Variants in XPR1 observed in about 807,000 individuals in gnomAD.
The protein encoded by XPR1 is solute carrier family 53 member 1.
XPR1 carries 28 observed loss-of-function variants against 87.5 expected under a neutral mutation model. That is an observed-to-expected ratio of 0.32 (90% CI 0.24 to 0.44). The LOEUF is 0.44. Among genes scored for constraint, XPR1 ranks in the 20% least tolerant of loss-of-function variants. The probability of loss-of-function intolerance (pLI) is 1.00; values close to 1 mark genes in which losing one functional copy is unlikely to be tolerated. For missense variants in XPR1, 559 were observed against 862.3 expected, an observed-to-expected ratio of 0.65 and a Z score of 4.41; for synonymous variants, 300 against 306.1, an observed-to-expected ratio of 0.98 and a Z score of 0.21.
Position 180,803,540 on chromosome 1 carries a change from A to G in XPR1, c.376A>G (p.Arg126Gly). ...HLSHEERVQH[R>G]NIKDLKLAFS... ...GTCCCATGAGGAACGTGTCCAACAT[A>G]GAAATATTAAAGACCTTAAACTGGC... Residue 126 changes from arginine (R) to glycine (G), a missense_variant, in exon 4 of 15, where the codon AGA becomes GGA. Physicochemically the swap from Arg to Gly is moderately radical, Grantham distance 125. This residue lies in a region of XPR1 where 159 missense variants were observed against 263.3 expected (regional missense o/e 0.60). Transcript: ENST00000367590. 1 of 1,613,714 alleles carries G rather than the reference A, an allele frequency of 6.2e-7. No individual in the cohort carries two copies.
chr1:180,800,272 A>T (rs1233200077), intron 3 of XPR1, among the ~76,000 whole-genome samples: 1 of 152,244 alleles, frequency 6.6e-6, no homozygotes, highest in Non-Finnish European at 1.5e-5. Flanking sequence ...TTTGATTGCT[A>T]AACCACAGTG....
chr1:180,791,980 T>A (rs1030760426), intron 3 of XPR1, among the ~76,000 whole-genome samples: 2 of 152,214 alleles, frequency 1.3e-5, no homozygotes, highest in East Asian at 3.9e-4. Context: ...TCTCTTGATG[T>A]CCTCACTGGT....
At chr1:180,855,232 AAGAC>A (rs1436657828) in intron 11 of XPR1, among the ~76,000 whole-genome samples, 7 of 152,258 alleles carry the variant, frequency 4.6e-5, no homozygotes, top group South Asian at 2.1e-4. Context: ...TACAGAATGA[AAGAC>A]AGTATAAGCA....
At chr1:180,640,331 T>C (rs1194116284) in intron 1 of XPR1, among the ~76,000 whole-genome samples, 1 of 152,210 alleles carries the variant, frequency 6.6e-6, no homozygotes, top group Non-Finnish European at 1.5e-5. Flanking sequence ...TGTGGTAAGT[T>C]CTTTAAAAAC....
intron 2 of XPR1, among the ~76,000 whole-genome samples, chr1:180,710,666 C>T (rs11585424): frequency 0.31 from 47,703 of 152,174 alleles, 8,234 homozygotes; most frequent in Non-Finnish European, 0.38. Flanking sequence ...CCTTACTATT[C>T]GACAAAACCG....
intron 11 of XPR1, among the ~76,000 whole-genome samples, chr1:180,852,515 G>A (rs1249510214): frequency 6.6e-6 from 1 of 151,918 alleles, no homozygotes; most frequent in African/African-American, 2.4e-5. Flanking sequence ...GCTATTTTGA[G>A]AGAGAAAGAG....
In XPR1 at chr1:180,884,133, A is replaced by G. The variant is rs1251587831; in HGVS notation, c.*67A>G. On this transcript the variant is annotated 3_prime_UTR_variant, in exon 15 of 15. Transcript: ENST00000367590. ...TACAATCCTTTCCTCGACCAACGCA[A>G]CCTCTAGTACCTTTCCAGCCGAAAA... The G allele has an allele frequency of 3.5e-6, 5 of 1,420,962 alleles. No homozygotes were observed. The highest frequency in any genetic ancestry group is 4.9e-6 in the Non-Finnish European group (5 of 1,022,376). The allele number at this position is 1,420,962 out of a possible 1,614,324, so 88.0% of individuals were successfully genotyped here. A position where few individuals can be genotyped will look rare whatever the true frequency, so the allele number is the denominator to read the frequency against.
chr1:180,783,548 A>G (rs996069402), intron 2 of XPR1, among the ~76,000 whole-genome samples: 1 of 152,036 alleles, frequency 6.6e-6, no homozygotes, highest in Non-Finnish European at 1.5e-5. Context: ...CTATGAATGT[A>G]CATATGAATA....
intron 11 of XPR1, among the ~76,000 whole-genome samples, chr1:180,853,647 A>ACACG (rs1362504563): frequency 2.0e-5 from 3 of 151,522 alleles, no homozygotes; most frequent in African/African-American, 7.3e-5. Context: ...ACACACACAC[A>ACACG]CACACACACA....
intron 2 of XPR1, among the ~76,000 whole-genome samples, chr1:180,705,566 A>G (rs1008301342): frequency 2.0e-5 from 3 of 152,336 alleles, no homozygotes; most frequent in African/African-American, 7.2e-5. Context: ...TGGCCATTAC[A>G]ACAAGAAAAT....
At chr1:180,836,861 C>A in intron 11 of XPR1, 145 bp downstream of exon 11, 1 of 907,330 alleles carries the variant, frequency 1.1e-6, no homozygotes, top group Non-Finnish European at 1.7e-6. Flanking sequence ...TCAGTTTGTT[C>A]TTGAATGCAG....
chr1:180,811,194 A>G lies in XPR1; in HGVS notation c.682-213A>G, dbSNP rs546691398. Among the ~76,000 whole-genome samples, 246 of 152,180 alleles carry G rather than the reference A, an allele frequency of 1.6e-3. 1 individual carries two copies. The highest frequency in any genetic ancestry group is 3.4e-3 in the Middle Eastern group (1 of 292). On this transcript the variant is annotated intron_variant, in intron 6 of 14. Coordinates refer to ENST00000367590, the MANE Select transcript of XPR1 (RefSeq NM_004736.4). ...TAATCTTGCTTATTTCATGACACAG[A>G]TTTCTATAAAAAAAAGCTTGATTAA...
chr1:180,835,736 AGTTT>A (rs1213918342), intron 10 of XPR1, among the ~76,000 whole-genome samples: 1 of 152,044 alleles, frequency 6.6e-6, no homozygotes, highest in Non-Finnish European at 1.5e-5. Flanking sequence ...TTAAACACAC[AGTTT>A]GTTCTTGGTT....
At chr1:180,788,561 G>A (rs190045631) in intron 3 of XPR1, among the ~76,000 whole-genome samples, 10 of 152,074 alleles carry the variant, frequency 6.6e-5, no homozygotes, top group Non-Finnish European at 1.2e-4. Flanking sequence ...CTCTGGAAAT[G>A]TTACACATAG....
At chr1:180,861,740 G>A (rs1652227727) in intron 11 of XPR1, among the ~76,000 whole-genome samples, 1 of 152,064 alleles carries the variant, frequency 6.6e-6, no homozygotes, top group Non-Finnish European at 1.5e-5. Context: ...GCTAAACAGT[G>A]ATGTGCTAGT....
At chr1:180,683,951 A>C (rs1397331698) in intron 2 of XPR1, among the ~76,000 whole-genome samples, 1 of 152,010 alleles carries the variant, frequency 6.6e-6, no homozygotes, top group Admixed American at 6.5e-5. Context: ...TGCTGTGCAG[A>C]AGCTCTTTAG....
intron 10 of XPR1, 87 bp downstream of exon 10, chr1:180,835,132 T>C (rs1020805698): frequency 7.2e-7 from 1 of 1,383,738 alleles, no homozygotes; most frequent in African/African-American, 1.5e-5. Context: ...GTTAAGGTCA[T>C]GATGAAAACT....
At chr1:180,776,562 A>G (rs1648735821) in intron 2 of XPR1, among the ~76,000 whole-genome samples, 1 of 152,106 alleles carries the variant, frequency 6.6e-6, no homozygotes. Flanking sequence ...GTTTATAATT[A>G]TTTAAATGTG....
intron 13 of XPR1, among the ~76,000 whole-genome samples, chr1:180,875,793 T>C (rs191447056): frequency 6.6e-6 from 1 of 151,900 alleles, no homozygotes; most frequent in Non-Finnish European, 1.5e-5. Context: ...TTCCTTAAAA[T>C]GCCAAATACT....
Sources: allele counts gnomAD v4.1 joint callset (sites outside exome capture counted in the v4.1 genomes callset), GRCh38; gene constraint gnomAD v4.1.1; regional missense constraint gnomAD v4.1.1; transcripts MANE v1.5; gene names NCBI Gene and HGNC (gene_info 2026-07-23, HGNC 2026-07-21).